TAF2: variants seen among roughly 807,000 people sequenced by gnomAD.
TAF2 encodes TATA-box binding protein associated factor 2.
In TAF2, 61 loss-of-function variants were observed where a neutral mutation model predicts 138.5. The observed-to-expected ratio is 0.44, with a 90% CI of 0.36 to 0.54. The LOEUF is 0.54. TAF2 is among the 20% of genes least tolerant of loss of function. The pLI is 0.00. For synonymous variants in TAF2, 475 were observed against 469.9 expected, an observed-to-expected ratio of 1.01 and a Z score of -0.14; for missense variants, 1,090 against 1,427.9, an observed-to-expected ratio of 0.76 and a Z score of 3.81.
intron 18 of TAF2, among the ~76,000 whole-genome samples, chr8:119,763,472 G>A (rs911456063): frequency 1.3e-5 from 2 of 152,158 alleles, no homozygotes; most frequent in African/African-American, 4.8e-5. Context: ...GCTCACGCCT[G>A]TAATCCCAGC....
chr8:119,747,006 G>T, intron 22 of TAF2, 72 bp from the exon 23 acceptor site: 1 of 1,491,726 alleles, frequency 6.7e-7, no homozygotes, highest in Non-Finnish European at 9.2e-7. Flanking sequence ...CCCAGAACCT[G>T]AACAACAAAA....
rs375287888 is a variant in TAF2, at chr8:119,744,378, C to T, written c.3124G>A (p.Asp1042Asn). 3.0e-5 allele frequency: 48 copies of T among 1,613,294 alleles called. No individual in the cohort carries two copies. In the Middle Eastern group the frequency reaches 8.2e-4, roughly 28 times the overall value. ...GFQNPFSSSQDEEEIDMDTVH... is the reference protein window; with the variant it reads ...GFQNPFSSSQNEEEIDMDTVH... ...GTATCCATATCAATCTCCTCCTCAT[C>T]TTGAGAACTGGAAAACTAAAACACA... Residue 1042 changes from aspartate (D) to asparagine (N), a missense_variant, in exon 24 of 26, where the codon GAT becomes AAT. Asp to Asn is a conservative substitution (Grantham distance 23, BLOSUM62 1). Around this residue, in one of 3 missense-constraint regions of TAF2, gnomAD observed 580 missense variants for 719.6 expected, o/e 0.81. Coordinates refer to ENST00000378164, the MANE Select transcript of TAF2 (RefSeq NM_003184.4).
rs11995559 is a variant in TAF2, at chr8:119,775,871, T to C, written c.2364+2148A>G. On this transcript the variant is annotated intron_variant, in intron 18 of 25. Transcript: ENST00000378164. ...TGGGAACTACTTAGCCACCTATCTA[T>C]TGAGTGAAATAAAACACTAGATGAC... Among the ~76,000 whole-genome samples, 1,455 of 152,242 alleles carry C rather than the reference T, an allele frequency of 9.6e-3. 17 individuals carry two copies. Among genetic ancestry groups the C allele is most frequent in the African/African-American group, 0.034 (1,402 of 41,540 alleles).
At chr8:119,760,474 C>T (rs1563839434) in intron 20 of TAF2, 125 bp downstream of exon 20, 6 of 1,064,560 alleles carry the variant, frequency 5.6e-6, no homozygotes, top group Non-Finnish European at 8.0e-6. Flanking sequence ...TTCTAAATCA[C>T]TAAGTCAAGA....
chr8:119,793,529 C>T, intron 9 of TAF2, 78 bp from the exon 10 acceptor site: 1 of 978,090 alleles, frequency 1.0e-6, no homozygotes, highest in Non-Finnish European at 1.6e-6. Flanking sequence ...TAGAATTAAA[C>T]TGTGAATTCT....
chr8:119,827,304 C>T (rs2131271137), intron 2 of TAF2, among the ~76,000 whole-genome samples: 1 of 152,314 alleles, frequency 6.6e-6, no homozygotes, highest in South Asian at 2.1e-4. Flanking sequence ...TCTAAGTGAG[C>T]TTTTCCACAC....
intron 2 of TAF2, among the ~76,000 whole-genome samples, chr8:119,827,897 C>T (rs1826203937): frequency 6.6e-6 from 1 of 152,066 alleles, no homozygotes; most frequent in Non-Finnish European, 1.5e-5. Flanking sequence ...GTGCCCGCCA[C>T]CATGCTCAGC....
intron 20 of TAF2, 75 bp downstream of exon 20, chr8:119,760,524 A>T: frequency 1.9e-6 from 3 of 1,550,368 alleles, no homozygotes; most frequent in Non-Finnish European, 2.6e-6. Context: ...TATTACGAAA[A>T]CCCCAACAAC....
At chr8:119,770,966 G>A (rs182541226) in intron 18 of TAF2, among the ~76,000 whole-genome samples, 8 of 152,200 alleles carry the variant, frequency 5.3e-5, no homozygotes, top group African/African-American at 1.7e-4. Context: ...AGCTACACAG[G>A]AGGCTGAGGC....
intron 18 of TAF2, chr8:119,766,896 C>T (rs933208669): frequency 2.0e-5 from 3 of 152,116 alleles, no homozygotes; most frequent in African/African-American, 7.2e-5. Flanking sequence ...ATATAGTAAC[C>T]TCTTCTGGAA....
At chr8:119,801,094 A>G (rs866371110) in intron 6 of TAF2, among the ~76,000 whole-genome samples, 2 of 152,200 alleles carry the variant, frequency 1.3e-5, no homozygotes, top group Admixed American at 6.5e-5. Context: ...GGTTGAAGAG[A>G]GAATAAATCT....
intron 2 of TAF2, among the ~76,000 whole-genome samples, chr8:119,820,982 T>C (rs1825772604): frequency 1.3e-5 from 2 of 151,866 alleles, no homozygotes; most frequent in Admixed American, 1.3e-4. Context: ...TTGGATCAGC[T>C]GAAAGATAAG....
intron 23 of TAF2, chr8:119,744,679 G>C (rs1324699072): frequency 2.2e-6 from 1 of 449,618 alleles, no homozygotes; most frequent in Non-Finnish European, 4.1e-6. Context: ...TGCACACATA[G>C]TTCCTCCCCC....
chr8:119,797,986 G>C, intron 6 of TAF2, 140 bp from the exon 7 acceptor site: 1 of 808,150 alleles, frequency 1.2e-6, no homozygotes, highest in Non-Finnish European at 1.9e-6. Context: ...AGAAAATGTT[G>C]TGAAAATAGT....
chr8:119,759,728 T>G (rs989726340), intron 20 of TAF2, among the ~76,000 whole-genome samples: 6 of 152,138 alleles, frequency 3.9e-5, no homozygotes, highest in Admixed American at 2.6e-4. Flanking sequence ...CAGCTGAAAA[T>G]TATCTTTGGG....
At position 119,806,338 on chromosome 8, in the gene TAF2, T is replaced by C; in HGVS notation, c.363A>G (p.Ala121=). ...AAAVSAVDPD[A]GNGELCIKVP... is the part of the protein sequence containing the mutation. ...CCTTAATGCAAAGTTCTCCATTTCC[T>C]GCATCAGGGTCCACAGCACTAACTG... is the stretch of plus-strand genomic sequence containing the variant. The change falls in exon 4 of 26, where the codon GCA becomes GCG. Residue 121 remains alanine (A), a synonymous_variant. Transcript: ENST00000378164. 6.2e-7 allele frequency: 1 copy of C among 1,614,170 alleles called. No individual in the cohort carries two copies. The highest frequency in any genetic ancestry group is 8.5e-7 in the Non-Finnish European group (1 of 1,180,018).
chr8:119,737,241 T>C (rs1246885484), intron 25 of TAF2, among the ~76,000 whole-genome samples: 1 of 152,192 alleles, frequency 6.6e-6, no homozygotes, highest in African/African-American at 2.4e-5. Context: ...CATAAAAGAA[T>C]TAGTAAGTTT....
At chr8:119,738,357 C>G (rs1425942037) in intron 25 of TAF2, among the ~76,000 whole-genome samples, 1 of 152,066 alleles carries the variant, frequency 6.6e-6, no homozygotes. Flanking sequence ...ATTACCATCC[C>G]TTGATACAAA....
At chr8:119,802,164 G>C in intron 5 of TAF2, 139 bp from the exon 6 acceptor site, 5 of 691,582 alleles carry the variant, frequency 7.2e-6, no homozygotes, top group Non-Finnish European at 1.2e-5. Context: ...GCTTTTTACT[G>C]TACAACCTGA....
Sources: allele counts gnomAD v4.1 joint callset (sites outside exome capture counted in the v4.1 genomes callset), GRCh38; gene constraint gnomAD v4.1.1; regional missense constraint gnomAD v4.1.1; transcripts MANE v1.5; gene names NCBI Gene and HGNC (gene_info 2026-07-23, HGNC 2026-07-21).